The following LYRM4 variants were observed in gnomAD, a reference collection of about 807,000 sequenced individuals.
The protein encoded by LYRM4 is LYR motif containing 4, also known as LYR motif-containing protein 4.
A neutral mutation model predicts 11.7 loss-of-function variants in LYRM4; 9 were observed. The observed-to-expected ratio is 0.77, with a 90% confidence interval of 0.46 to 1.34. LYRM4 has a LOEUF of 1.34. Ranked by LOEUF, LYRM4 falls within the 40% of genes most tolerant of loss-of-function variation. LYRM4 has a pLI of 0.00. For missense variants in LYRM4, 133 were observed against 112.5 expected (o/e 1.18, Z -0.82); for synonymous variants, 42 against 40.4 (o/e 1.04, Z -0.15).
chr6:5,226,894 A>G (rs1185907033), intron 1 of LYRM4, among the ~76,000 whole-genome samples: 1 of 152,210 alleles, frequency 6.6e-6, no homozygotes, highest in East Asian at 1.9e-4. Context: ...TCAGTAATAT[A>G]CCACAATAAG....
At chr6:5,260,612 C>A (rs1415901083) in intron 1 of LYRM4, 36 bp downstream of exon 1, 3 of 775,762 alleles carry the variant, frequency 3.9e-6, no homozygotes, top group Non-Finnish European at 6.1e-6. Flanking sequence ...CGGCCCCTGG[C>A]CCCCCGCCCC....
At chr6:5,160,469 C>T in intron 2 of LYRM4, among the ~76,000 whole-genome samples, 1 of 152,014 alleles carries the variant, frequency 6.6e-6, no homozygotes, top group Non-Finnish European at 1.5e-5. Flanking sequence ...CCGTGCTGTT[C>T]TTGTGGTAGT....
At chr6:5,082,877 A>C in the LYRM4 span, among the ~76,000 whole-genome samples, 2 of 151,922 alleles carry the variant, frequency 1.3e-5, no homozygotes, top group Non-Finnish European at 2.9e-5. Context: ...CCTCCAACAG[A>C]GCCTCTGCGT....
intron 2 of LYRM4, among the ~76,000 whole-genome samples, chr6:5,132,246 G>A (rs1291449605): frequency 2.0e-5 from 3 of 152,048 alleles, no homozygotes; most frequent in African/African-American, 4.8e-5. Context: ...GTTTCTCACC[G>A]TTTTTACCCT....
chr6:5,148,903 T>A (rs1757934683), intron 2 of LYRM4, among the ~76,000 whole-genome samples: 1 of 152,248 alleles, frequency 6.6e-6, no homozygotes, highest in Non-Finnish European at 1.5e-5. Context: ...ATTTTTCCCC[T>A]AGAACTCTAA....
At chr6:5,223,962 CT>C (rs1244676685) in intron 1 of LYRM4, among the ~76,000 whole-genome samples, 1 of 152,204 alleles carries the variant, frequency 6.6e-6, no homozygotes, top group Non-Finnish European at 1.5e-5. Flanking sequence ...ACAGGACTCT[CT>C]GGATTCCTGC....
chr6:5,066,610 T>A, the LYRM4 span: 1 of 1,188,824 alleles, frequency 8.4e-7, no homozygotes, highest in Non-Finnish European at 1.3e-6. Context: ...GTTTTGTCAC[T>A]TTCAAGGGCA....
chr6:5,149,983 C>T (rs922107486), intron 2 of LYRM4, among the ~76,000 whole-genome samples: 21 of 152,312 alleles, frequency 1.4e-4, no homozygotes, highest in Middle Eastern at 3.4e-3. Flanking sequence ...AAAGGGCAAA[C>T]GTCAAATGTT....
the LYRM4 span, among the ~76,000 whole-genome samples, chr6:5,062,614 A>G: frequency 2.6e-5 from 4 of 152,182 alleles, no homozygotes; most frequent in Non-Finnish European, 4.4e-5. Flanking sequence ...GGCAGGAAGG[A>G]TTAGAAGCCT....
the LYRM4 span, among the ~76,000 whole-genome samples, chr6:5,081,977 T>C: frequency 6.6e-6 from 1 of 152,210 alleles, no homozygotes; most frequent in African/African-American, 2.4e-5. Context: ...TGGAGGCTGG[T>C]GCACCCAGAG....
chr6:5,260,775 T>G lies in LYRM4; in HGVS notation c.-42A>C. ...AATAAACGGGTCCTCTTCGCCGAGG[T>G]CCCAAGTACGACCCAACCCACGAAA... On this transcript the variant is annotated 5_prime_UTR_variant, in exon 1 of 3. Transcript: ENST00000330636. The G allele has an allele frequency of 6.5e-7, 1 of 1,536,522 alleles. No individual in the cohort carries two copies. The highest frequency in any genetic ancestry group is 1.2e-5 in the South Asian group (1 of 84,006).
chr6:5,172,472 G>C (rs1294347410), intron 2 of LYRM4, among the ~76,000 whole-genome samples: 3 of 152,240 alleles, frequency 2.0e-5, no homozygotes, highest in African/African-American at 4.8e-5. Flanking sequence ...GCGTCACTAA[G>C]CTGCCCCGAC....
At chr6:5,248,388 T>G (rs1412280262) in intron 1 of LYRM4, among the ~76,000 whole-genome samples, 1 of 152,234 alleles carries the variant, frequency 6.6e-6, no homozygotes, top group Non-Finnish European at 1.5e-5. Context: ...TGGGGTGAGC[T>G]AGCTAAAGGA....
At position 5,115,816 on chromosome 6, in the gene LYRM4, C is replaced by G. The variant is rs117443973; in HGVS notation, c.208-6325G>C. ...TTGGGGGGAAAAGAACTAATGACAT[C>G]AGGTCTTACAATGTGAATGGTATTA... is the stretch of plus-strand genomic sequence containing the variant. On this transcript the variant is annotated intron_variant, in intron 2 of 2. Transcript: ENST00000330636. Among the ~76,000 whole-genome samples, 87 of 152,202 alleles carry G rather than the reference C, an allele frequency of 5.7e-4. No homozygotes were observed. In the East Asian group the frequency reaches 0.016, roughly 28 times the overall value.
chr6:5,129,578 G>A (rs1303906620), intron 2 of LYRM4, among the ~76,000 whole-genome samples: 1 of 152,096 alleles, frequency 6.6e-6, no homozygotes, highest in Non-Finnish European at 1.5e-5. Flanking sequence ...TGTGATTACA[G>A]TAGGGCCAAT....
At chr6:5,066,315 T>C in the LYRM4 span, 1 of 717,822 alleles carries the variant, frequency 1.4e-6, no homozygotes, top group South Asian at 1.4e-5. Flanking sequence ...TATTTAGTTC[T>C]ATTCGTCCAA....
chr6:5,033,221 C>G, the LYRM4 span: 1 of 151,448 alleles, frequency 6.6e-6, no homozygotes, highest in East Asian at 1.9e-4. Context: ...CCCCGTTTTC[C>G]TTGTTTAGGT....
At chr6:5,196,997 C>T (rs1761091676) in intron 2 of LYRM4, among the ~76,000 whole-genome samples, 1 of 152,164 alleles carries the variant, frequency 6.6e-6, no homozygotes. Flanking sequence ...GATTGATGAG[C>T]CTCCCCAAGT....
At chr6:5,112,706 G>A (rs551016724) in intron 2 of LYRM4, among the ~76,000 whole-genome samples, 1 of 152,006 alleles carries the variant, frequency 6.6e-6, no homozygotes, top group Non-Finnish European at 1.5e-5. Flanking sequence ...GCTAGCATGA[G>A]GAGGGCACGC....
Sources: gnomAD v4.1 joint callset for allele counts (sites outside exome capture counted in the v4.1 genomes callset) on GRCh38, gnomAD v4.1.1 for gene constraint, MANE v1.5 for transcripts, NCBI Gene and HGNC (gene_info 2026-07-23, HGNC 2026-07-21) for gene names.